Variants in RTN1 observed in about 807,000 individuals in gnomAD.
RTN1 encodes reticulon-1.
Under a neutral mutation model 65.5 loss-of-function variants are expected in RTN1, and 25 were observed. The ratio of observed to expected loss-of-function variants is 0.38; its 90% confidence interval spans 0.28 to 0.53. The LOEUF (loss-of-function observed/expected upper bound fraction) is 0.53, where lower values mean the gene tolerates loss of function less well. Among genes scored for constraint, RTN1 ranks in the 20% least tolerant of loss-of-function variants. The pLI, the probability that RTN1 is intolerant of heterozygous loss-of-function variation, is 0.79. For synonymous variants in RTN1, 471 were observed against 447.6 expected (o/e 1.05, Z -0.66); for missense variants, 983 against 1,025.4 (o/e 0.96, Z 0.57).
chr14:59,698,488 A>G (rs1884110004), intron 3 of RTN1, among the ~76,000 whole-genome samples: 1 of 152,104 alleles, frequency 6.6e-6, no homozygotes, highest in African/African-American at 2.4e-5. Flanking sequence ...TGGGAGGGAC[A>G]TGGTGGGAGG....
intron 1 of RTN1, among the ~76,000 whole-genome samples, chr14:59,767,226 A>G (rs1488085415): frequency 2.0e-5 from 3 of 152,206 alleles, no homozygotes; most frequent in African/African-American, 7.2e-5. Context: ...GACATGGACT[A>G]TGTTTTGAAT....
intron 1 of RTN1, among the ~76,000 whole-genome samples, chr14:59,822,986 G>A (rs1431722888): frequency 6.6e-6 from 1 of 151,964 alleles, no homozygotes; most frequent in Admixed American, 6.6e-5. Flanking sequence ...TGTTGCTGTT[G>A]GGTGGAGTAT....
At chr14:59,692,064 A>T (rs1883972902) in intron 3 of RTN1, among the ~76,000 whole-genome samples, 1 of 152,172 alleles carries the variant, frequency 6.6e-6, no homozygotes, top group Non-Finnish European at 1.5e-5. Context: ...CCAATATAGT[A>T]CTGGAAGTAC....
chr14:59,606,132 C>T (rs1324390835), intron 4 of RTN1: 1 of 125,440 alleles, frequency 8.0e-6, no homozygotes, highest in Non-Finnish European at 1.6e-5. Flanking sequence ...ATATATCATA[C>T]CAGCTTAAGC....
intron 1 of RTN1, among the ~76,000 whole-genome samples, chr14:59,798,327 C>T (rs34187791): frequency 0.17 from 25,962 of 152,150 alleles, 2,722 homozygotes; most frequent in East Asian, 0.32. Context: ...TAACTTAATA[C>T]AAGTTATATC....
At chr14:59,826,783 T>A (rs2139635309) in intron 1 of RTN1, among the ~76,000 whole-genome samples, 1 of 152,262 alleles carries the variant, frequency 6.6e-6, no homozygotes, top group Admixed American at 6.5e-5. Flanking sequence ...CTCTAGGATA[T>A]CATGGAAAAA....
intron 1 of RTN1, among the ~76,000 whole-genome samples, chr14:59,750,148 ATT>A (rs1885429203): frequency 3.0e-5 from 2 of 66,570 alleles, no homozygotes; most frequent in South Asian, 7.7e-4. Flanking sequence ...TAATATATAT[ATT>A]ATAGATAATA....
At chr14:59,785,789 C>T (rs934357803) in intron 1 of RTN1, among the ~76,000 whole-genome samples, 4 of 152,196 alleles carry the variant, frequency 2.6e-5, no homozygotes, top group Non-Finnish European at 4.4e-5. Flanking sequence ...CCTCACTCCA[C>T]ACCCCTGCCC....
intron 1 of RTN1, among the ~76,000 whole-genome samples, chr14:59,795,881 G>T (rs1291553089): frequency 1.3e-5 from 2 of 152,032 alleles, no homozygotes; most frequent in Non-Finnish European, 2.9e-5. Flanking sequence ...TACGTTTTGG[G>T]GATGAGGAAA....
At chr14:59,703,360 T>A (rs975884879) in intron 3 of RTN1, among the ~76,000 whole-genome samples, 1 of 152,160 alleles carries the variant, frequency 6.6e-6, no homozygotes, top group Non-Finnish European at 1.5e-5. Context: ...TAGTGATCAA[T>A]GAGTTCTCAC....
At chr14:59,630,433 A>G (rs985224766) in intron 3 of RTN1, 1 of 1,613,398 alleles carries the variant, frequency 6.2e-7, no homozygotes, top group Non-Finnish European at 8.5e-7. Flanking sequence ...CACTACTGAA[A>G]TAAAGAGAAT....
In RTN1 at chr14:59,596,768, C is replaced by T. The variant is rs887999035; in HGVS notation, c.2308G>A (p.Gly770Ser). ...VVAKIQAKIP[G>S]AKRHAE ...GTTTACTCAGCATGCCTCTTAGCGC[C>T]TGGGATTTTAGCCTGAATCCTAAAA... is the stretch of plus-strand genomic sequence containing the variant. The change falls in exon 9 of 9, where the codon GGC becomes AGC. Residue 770 changes from glycine to serine, a missense_variant. By Grantham distance (56) the Gly-to-Ser change is moderately conservative. Around this residue, in one of 2 missense-constraint regions of RTN1, gnomAD observed 165 missense variants for 223.6 expected, o/e 0.74. Transcript: ENST00000267484. 7 of 1,611,690 alleles carry T rather than the reference C, an allele frequency of 4.3e-6. No individual in the cohort carries two copies. The highest frequency in any genetic ancestry group is 4.0e-5 in the African/African-American group (3 of 74,856).
rs1478414107 is a variant in RTN1 at position 59,726,945 on chromosome 14, G to A, written c.1739C>T (p.Pro580Leu). 3 of 1,612,884 alleles carry A rather than the reference G, an allele frequency of 1.9e-6. No individual in the cohort carries two copies. Among genetic ancestry groups the A allele is most frequent in the South Asian group, 1.1e-5 (1 of 90,854 alleles). The change falls in exon 3 of 9, where the codon CCA becomes CTA. Residue 580 changes from proline to leucine, a missense_variant. Physicochemically the swap from Pro to Leu is moderately conservative, Grantham distance 98 (BLOSUM62 -3). Transcript: ENST00000267484. The stretch of plus-strand genomic sequence containing the variant: ...TTTTTGCTTATTGAGAAACAGCAGT[G>A]GGGGCGGGGCGCCAGGACCTAGAGG... ...PGPLGPGAPP[P>L]LLFLNKQKAI...
intron 3 of RTN1, among the ~76,000 whole-genome samples, chr14:59,633,409 T>C (rs1882597830): frequency 6.6e-6 from 1 of 152,246 alleles, no homozygotes; most frequent in African/African-American, 2.4e-5. Context: ...TCTCTGGACC[T>C]CTCATAATTA....
intron 3 of RTN1, among the ~76,000 whole-genome samples, chr14:59,724,735 A>G (rs1170534627): frequency 6.6e-6 from 1 of 152,068 alleles, no homozygotes; most frequent in Non-Finnish European, 1.5e-5. Flanking sequence ...GAAAAAAAAA[A>G]AAAACAGCCT....
At chr14:59,852,455 C>A (rs1887526566) in intron 1 of RTN1, among the ~76,000 whole-genome samples, 1 of 152,072 alleles carries the variant, frequency 6.6e-6, no homozygotes, top group South Asian at 2.1e-4. Context: ...TAGTCCCACC[C>A]CCAAGCATTT....
intron 1 of RTN1, among the ~76,000 whole-genome samples, chr14:59,785,736 G>A (rs1886238826): frequency 6.6e-6 from 1 of 152,130 alleles, no homozygotes; most frequent in African/African-American, 2.4e-5. Flanking sequence ...TTAAGCAATG[G>A]AGCTGGAATT....
intron 1 of RTN1, among the ~76,000 whole-genome samples, chr14:59,808,783 C>A (rs894568590): frequency 6.6e-6 from 1 of 151,976 alleles, no homozygotes; most frequent in Admixed American, 6.6e-5. Flanking sequence ...TCTCATGCAA[C>A]CTGGTCATTT....
chr14:59,862,703 C>T (rs893600118), intron 1 of RTN1, among the ~76,000 whole-genome samples: 2 of 152,160 alleles, frequency 1.3e-5, no homozygotes, highest in Non-Finnish European at 2.9e-5. Flanking sequence ...ATCCAACTAA[C>T]CCTGCACTCT....
Sources: allele counts gnomAD v4.1 joint callset (sites outside exome capture counted in the v4.1 genomes callset), GRCh38; gene constraint gnomAD v4.1.1; regional missense constraint gnomAD v4.1.1; transcripts MANE v1.5; gene names NCBI Gene and HGNC (gene_info 2026-07-23, HGNC 2026-07-21).